The following TCF12 variants were observed in gnomAD, a reference collection of about 807,000 sequenced individuals.
The protein encoded by TCF12 is transcription factor 12.
A neutral mutation model predicts 86.0 loss-of-function variants in TCF12; 45 were observed. The observed-to-expected ratio is 0.52, with a 90% confidence interval of 0.41 to 0.67. TCF12 has a LOEUF of 0.67. Among genes scored for constraint, TCF12 ranks in the 30% least tolerant of loss-of-function variants. The pLI, the probability that TCF12 is intolerant of heterozygous loss-of-function variation, is 0.00. For synonymous variants in TCF12, 330 were observed against 299.6 expected (o/e 1.10, Z -1.05); for missense variants, 881 against 859.9 (o/e 1.02, Z -0.31).
intron 4 of TCF12, among the ~76,000 whole-genome samples, chr15:57,069,334 A>G (rs1028479615): frequency 6.6e-6 from 1 of 152,182 alleles, no homozygotes; most frequent in Non-Finnish European, 1.5e-5. Flanking sequence ...TATGTAATCT[A>G]TTATGGTAGT....
chr15:57,237,002 G>A (rs751096493), intron 12 of TCF12, among the ~76,000 whole-genome samples: 23 of 152,140 alleles, frequency 1.5e-4, no homozygotes, highest in Non-Finnish European at 3.2e-4. Context: ...TTCTTTCGGT[G>A]CCTAATACCA....
intron 5 of TCF12, among the ~76,000 whole-genome samples, chr15:57,136,098 C>G (rs2052498736): frequency 6.6e-6 from 1 of 152,108 alleles, no homozygotes; most frequent in Admixed American, 6.5e-5. Flanking sequence ...TATAATTTGT[C>G]TAAATAAAAT....
intron 3 of TCF12, among the ~76,000 whole-genome samples, chr15:57,048,969 C>A (rs1303570226): frequency 4.6e-5 from 7 of 152,144 alleles, no homozygotes; most frequent in Non-Finnish European, 7.4e-5. Flanking sequence ...TCTCCAGCTG[C>A]TGGAAGTGTT....
At chr15:57,145,710 G>T (rs2053309898) in intron 5 of TCF12, among the ~76,000 whole-genome samples, 1 of 152,174 alleles carries the variant, frequency 6.6e-6, no homozygotes, top group Non-Finnish European at 1.5e-5. Flanking sequence ...TATATACTCA[G>T]GGATGCCTTC....
chr15:57,264,194 G>GCTTTTTTT lies in TCF12; in HGVS notation c.1745+921_1745+928dup, dbSNP rs1597739398. Among the ~76,000 whole-genome samples the GCTTTTTTT allele has an allele frequency of 2.6e-4, 4 of 15,458 alleles. No homozygotes were observed. The East Asian group carries it at 9.9e-3, about 38-fold the overall frequency. 10.1% of individuals were successfully genotyped at this position (15,458 alleles called of 152,430 possible). A position where few individuals can be genotyped will look rare whatever the true frequency, so the allele number is the denominator to read the frequency against. ...ATATTTTCTTTAAGTTCTTTTGTAA[G>GCTTTTTTT]CTTTTTTTTTTTTTTTTTTTTTTTG... is the stretch of plus-strand genomic sequence containing the variant. On this transcript the variant is annotated intron_variant, in intron 18 of 20. Coordinates refer to ENST00000333725, the MANE Select transcript of TCF12 (RefSeq NM_207037.2).
chr15:57,185,302 A>G (rs1384509784), intron 6 of TCF12, among the ~76,000 whole-genome samples: 1 of 152,230 alleles, frequency 6.6e-6, no homozygotes, highest in Non-Finnish European at 1.5e-5. Context: ...ACATTGTTGA[A>G]TAAGCTTTAA....
intron 3 of TCF12, among the ~76,000 whole-genome samples, chr15:57,009,401 G>A (rs114403475): frequency 0.011 from 1,696 of 152,232 alleles, 33 homozygotes; most frequent in African/African-American, 0.039. Flanking sequence ...ATGAACCACT[G>A]TGTGTGGCCT....
At chr15:57,192,374 C>CTT (rs369602117) in intron 7 of TCF12, 81 bp downstream of exon 7, 3,620 of 1,227,966 alleles carry the variant, frequency 2.9e-3, no homozygotes, top group Admixed American at 0.012. Flanking sequence ...TCTGGCTATG[C>CTT]TTTTTTTTTT....
intron 5 of TCF12, among the ~76,000 whole-genome samples, chr15:57,146,033 C>T (rs1303605088): frequency 6.6e-6 from 1 of 152,172 alleles, no homozygotes. Flanking sequence ...AGTTAAAAAA[C>T]ATGAATGATG....
chr15:57,195,596 C>A (rs924446682), intron 7 of TCF12, among the ~76,000 whole-genome samples: 3 of 152,174 alleles, frequency 2.0e-5, no homozygotes, highest in South Asian at 2.1e-4. Context: ...ATGAATACTT[C>A]CCCCCTTTGC....
intron 3 of TCF12, among the ~76,000 whole-genome samples, chr15:57,017,049 A>G (rs1179641456): frequency 2.0e-5 from 3 of 152,244 alleles, no homozygotes; most frequent in Middle Eastern, 3.4e-3. Flanking sequence ...GGATGTGACT[A>G]ATAAAGTCAT....
At chr15:57,255,339 G>A (rs545106419) in intron 16 of TCF12, among the ~76,000 whole-genome samples, 91 of 152,248 alleles carry the variant, frequency 6.0e-4, no homozygotes, top group Non-Finnish European at 8.5e-4. Flanking sequence ...TTAGAAGACT[G>A]TTAGAGGGAA....
At chr15:57,283,291 GCT>G (rs1387261011) in intron 20 of TCF12, among the ~76,000 whole-genome samples, 1 of 149,578 alleles carries the variant, frequency 6.7e-6, no homozygotes, top group East Asian at 2.0e-4. Context: ...ACAGAGTCTC[GCT>G]CTGTTGCCCA....
In TCF12 at chr15:57,067,494, C is replaced by G. The variant is rs567944690; in HGVS notation, c.222+3671C>G. Among the ~76,000 whole-genome samples, 65 of 144,672 alleles carry G rather than the reference C, an allele frequency of 4.5e-4. 1 individual carries two copies. Among genetic ancestry groups the G allele is most frequent in the African/African-American group, 1.5e-3 (57 of 39,068 alleles). 94.9% of individuals were successfully genotyped at this position (144,672 alleles called of 152,430 possible). A position where few individuals can be genotyped will look rare whatever the true frequency, so the allele number is the denominator to read the frequency against. Reference sequence around the variant, plus strand: ...GGCGGAACTCGCAGTGAGCCAGATCCCGCCACTGCACTCCAGCCTGGGCGA... The same window carrying G: ...GGCGGAACTCGCAGTGAGCCAGATCGCGCCACTGCACTCCAGCCTGGGCGA... On this transcript the variant is annotated intron_variant, in intron 4 of 20. Transcript: ENST00000333725.
chr15:57,179,688 A>G (rs1307301987), intron 6 of TCF12, among the ~76,000 whole-genome samples: 1 of 152,178 alleles, frequency 6.6e-6, no homozygotes, highest in African/African-American at 2.4e-5. Context: ...GGGATTTGTA[A>G]AAGAACCAGT....
At chr15:57,228,913 A>G (rs1262599569) in intron 8 of TCF12, among the ~76,000 whole-genome samples, 1 of 151,660 alleles carries the variant, frequency 6.6e-6, no homozygotes, top group Non-Finnish European at 1.5e-5. Context: ...TGAGAGACTG[A>G]CTTACTGTTT....
intron 8 of TCF12, among the ~76,000 whole-genome samples, chr15:57,229,190 T>G (rs1447203177): frequency 6.6e-6 from 1 of 151,968 alleles, no homozygotes; most frequent in Admixed American, 6.6e-5. Context: ...GAAACTTGAT[T>G]AAAAGAAAAT....
At chr15:57,264,194 G>GTTTTTTTTTT (rs1567013145) in intron 18 of TCF12, among the ~76,000 whole-genome samples, 1 of 15,458 alleles carries the variant, frequency 6.5e-5, no homozygotes, top group East Asian at 3.3e-3. Flanking sequence ...TCTTTTGTAA[G>GTTTTTTTTTT]CTTTTTTTTT....
chr15:57,218,959 T>G, intron 8 of TCF12: 4 of 885,792 alleles, frequency 4.5e-6, no homozygotes, highest in Non-Finnish European at 5.5e-6. Context: ...GATTTAACTG[T>G]CTAGATCCTT....
Sources: gnomAD v4.1 joint callset for allele counts (sites outside exome capture counted in the v4.1 genomes callset) on GRCh38, gnomAD v4.1.1 for gene constraint, MANE v1.5 for transcripts, NCBI Gene and HGNC (gene_info 2026-07-23, HGNC 2026-07-21) for gene names.